AFF2: variants seen among roughly 807,000 people sequenced by gnomAD.
The protein encoded by AFF2 is ALF transcription elongation factor 2.
In AFF2, 14 loss-of-function variants were observed where a neutral mutation model predicts 76.9. The observed-to-expected ratio is 0.18, with a 90% CI of 0.12 to 0.28. The LOEUF (loss-of-function observed/expected upper bound fraction) is 0.28, where lower values mean the gene tolerates loss of function less well. Ranked by LOEUF, AFF2 falls within the 10% of genes least tolerant of loss-of-function variation. AFF2 has a pLI of 1.00. For synonymous variants in AFF2, 398 were observed against 366.7 expected (o/e 1.09, Z -0.98); for missense variants, 868 against 1,001.1 (o/e 0.87, Z 1.79).
intron 9 of AFF2, among the ~76,000 whole-genome samples, chrX:148,907,920 C>CA (rs1557281617): frequency 9.1e-6 from 1 of 110,027 alleles, no homozygotes; most frequent in Admixed American, 9.7e-5. Flanking sequence ...TAGCCACCCC[C>CA]AAAGCGACCA....
At chrX:148,947,760 G>A (rs782030789) in intron 9 of AFF2, among the ~76,000 whole-genome samples, 131 of 112,067 alleles carry the variant, frequency 1.2e-3, no homozygotes, top group Non-Finnish European at 1.9e-3. Context: ...GATCAGCTGC[G>A]GATGTTGATT....
intron 3 of AFF2, among the ~76,000 whole-genome samples, chrX:148,743,870 A>G (rs1380941187): frequency 9.0e-6 from 1 of 111,119 alleles, no homozygotes; most frequent in African/African-American, 3.3e-5. Flanking sequence ...GCTTGCAAAG[A>G]ATGGAGAAAA....
chrX:148,876,843 G>C (rs1025587307), intron 7 of AFF2, among the ~76,000 whole-genome samples: 1 of 111,512 alleles, frequency 9.0e-6, no homozygotes, highest in Non-Finnish European at 1.9e-5. Flanking sequence ...CAGAACAAGA[G>C]AGGACAAGAA....
intron 8 of AFF2, among the ~76,000 whole-genome samples, chrX:148,896,156 G>A (rs1287230586): frequency 9.0e-6 from 1 of 111,142 alleles, no homozygotes; most frequent in African/African-American, 3.3e-5. Context: ...GAGAAACAAC[G>A]TGCTAGATAC....
chrX:148,809,582 A>T (rs2070178460), intron 3 of AFF2, among the ~76,000 whole-genome samples: 1 of 112,168 alleles, frequency 8.9e-6, no homozygotes, highest in African/African-American at 3.2e-5. Context: ...CACGAGATCA[A>T]GCTCTCTTTG....
intron 7 of AFF2, 130 bp downstream of exon 7, chrX:148,843,563 T>C (rs1415806241): frequency 5.6e-6 from 3 of 540,539 alleles, no homozygotes; most frequent in African/African-American, 4.7e-5. Context: ...TAATAATATG[T>C]AGTTTGGTTG....
chrX:148,681,610 G>GAAGAAAGAAAGA (rs370085084), intron 3 of AFF2, among the ~76,000 whole-genome samples: 12 of 95,621 alleles, frequency 1.3e-4, no homozygotes, highest in African/African-American at 4.3e-4. Flanking sequence ...AGAAAGGAAA[G>GAAGAAAGAAAGA]AAGAAAGAAA....
intron 8 of AFF2, among the ~76,000 whole-genome samples, chrX:148,888,146 C>T (rs180850785): frequency 5.4e-5 from 6 of 111,799 alleles, no homozygotes; most frequent in Non-Finnish European, 1.1e-4. Flanking sequence ...TTTCATCACT[C>T]CAAGTGGAAA....
rs910385845 is a variant in AFF2 at position 148,998,381 on chromosome X, A to T, written c.*7049A>T. ...CTGAATTGTACTTGTTCATACTTTC[A>T]AAACATAACAGATTAATAAAAATAG... is the stretch of plus-strand genomic sequence containing the variant. On this transcript the variant is annotated 3_prime_UTR_variant, in exon 21 of 21. Transcript: ENST00000370460. 1 of 112,564 alleles carries T rather than the reference A, an allele frequency of 8.9e-6. No homozygotes were observed. The highest frequency in any genetic ancestry group is 3.2e-5 in the African/African-American group (1 of 30,899). 9.3% of individuals were successfully genotyped at this position (112,564 alleles called of 1,213,427 possible).
At chrX:148,927,044 CA>C (rs2124282586) in intron 9 of AFF2, among the ~76,000 whole-genome samples, 1 of 112,374 alleles carries the variant, frequency 8.9e-6, no homozygotes, top group South Asian at 3.7e-4. Context: ...TATGAATTCT[CA>C]TTATTGGTTT....
chrX:148,763,588 A>G (rs782212875), intron 3 of AFF2, among the ~76,000 whole-genome samples: 1 of 111,705 alleles, frequency 9.0e-6, no homozygotes, highest in South Asian at 3.8e-4. Flanking sequence ...ACAAATAACT[A>G]ATACGTATGT....
chrX:148,967,734 TTA>T, intron 15 of AFF2, 42 bp downstream of exon 15: 1 of 1,147,346 alleles, frequency 8.7e-7, no homozygotes, highest in East Asian at 3.0e-5. Context: ...TATTAAGGAT[TTA>T]TGTTTCAAAG....
intron 3 of AFF2, among the ~76,000 whole-genome samples, chrX:148,773,717 A>AGAAAGAAAGAAAGAAAGAAAGAAGGAAG (rs1557268298): frequency 9.9e-6 from 1 of 100,699 alleles, no homozygotes; most frequent in Non-Finnish European, 2.0e-5. Context: ...AAAGAAAGAA[A>AGAAAGAAAGAAAGAAAGAAAGAAGGAAG]GAAAGAAAGA....
At chrX:148,689,212 G>T (rs1287077248) in intron 3 of AFF2, among the ~76,000 whole-genome samples, 1 of 111,174 alleles carries the variant, frequency 9.0e-6, no homozygotes, top group African/African-American at 3.3e-5. Context: ...CTTCTTGTAA[G>T]GACATCATTT....
chrX:148,686,084 C>T (rs2054599344), intron 3 of AFF2, among the ~76,000 whole-genome samples: 1 of 111,360 alleles, frequency 9.0e-6, no homozygotes, highest in Admixed American at 9.6e-5. Flanking sequence ...ACATGGAATT[C>T]AGTAGTATAT....
chrX:148,694,239 C>T (rs1215907493), intron 3 of AFF2, among the ~76,000 whole-genome samples: 4 of 109,478 alleles, frequency 3.7e-5, no homozygotes, highest in Non-Finnish European at 7.6e-5. Context: ...GTGGGTGCAG[C>T]GCACCAGCAT....
intron 1 of AFF2, among the ~76,000 whole-genome samples, chrX:148,577,956 G>C (rs2053309897): frequency 8.9e-6 from 1 of 112,371 alleles, no homozygotes; most frequent in Non-Finnish European, 1.9e-5. Context: ...CTGTTGATAA[G>C]TTGCAGCTCC....
chrX:148,630,808 G>T (rs1557252933), intron 1 of AFF2, among the ~76,000 whole-genome samples: 1 of 111,907 alleles, frequency 8.9e-6, no homozygotes, highest in African/African-American at 3.3e-5. Context: ...TCAAATCTCT[G>T]GTTCAGCCTG....
chrX:148,710,984 C>T (rs1410242468), intron 3 of AFF2, among the ~76,000 whole-genome samples: 1 of 111,550 alleles, frequency 9.0e-6, no homozygotes, highest in African/African-American at 3.3e-5. Flanking sequence ...TATTTAGAAA[C>T]CTTTTTCTGT....
Sources: allele counts gnomAD v4.1 joint callset (sites outside exome capture counted in the v4.1 genomes callset), GRCh38; gene constraint gnomAD v4.1.1; transcripts MANE v1.5; gene names NCBI Gene and HGNC (gene_info 2026-07-23, HGNC 2026-07-21).